Variants in PABPN1 observed in about 807,000 individuals in gnomAD.
PABPN1 encodes the protein poly(A) binding protein nuclear 1, also known as polyadenylate-binding protein 2.
PABPN1 carries 5 observed loss-of-function variants against 33.4 expected under a neutral mutation model. The ratio of observed to expected loss-of-function variants is 0.15; its 90% CI spans 0.08 to 0.32. The LOEUF (loss-of-function observed/expected upper bound fraction) is 0.32. PABPN1 is among the 10% of genes least tolerant of loss of function. PABPN1 has a pLI of 1.00. For synonymous variants in PABPN1, 176 were observed against 170.6 expected (o/e 1.03, Z -0.25); for missense variants, 312 against 425.8 (o/e 0.73, Z 2.35).
At chr14:23,325,081 C>T in intron 6 of PABPN1, 166 bp from the exon 7 acceptor site, 1 of 896,210 alleles carries the variant, frequency 1.1e-6, no homozygotes. Flanking sequence ...CCCCAGTTCT[C>T]CAGGTGCGTT....
intron 1 of PABPN1, 136 bp from the exon 2 acceptor site, chr14:23,322,040 GCTTTT>G (rs1330737297): frequency 1.8e-4 from 177 of 958,206 alleles, no homozygotes; most frequent in Admixed American, 7.2e-4. Context: ...AGAGAGGGTA[GCTTTT>G]CTTTTATCAC....
At chr14:23,323,618 T>G in intron 4 of PABPN1, 135 bp downstream of exon 4, 1 of 918,038 alleles carries the variant, frequency 1.1e-6, no homozygotes, top group East Asian at 2.6e-5. Context: ...GCATTAATGT[T>G]GATATATCAG....
chr14:23,324,603 A>G, intron 6 of PABPN1: 1 of 540,354 alleles, frequency 1.9e-6, no homozygotes, highest in Non-Finnish European at 3.3e-6. Context: ...TGGGAGGAAC[A>G]GGGCCTCCAG....
intron 6 of PABPN1, 45 bp downstream of exon 6, chr14:23,324,334 C>T: frequency 1.2e-6 from 2 of 1,604,146 alleles, no homozygotes; most frequent in Non-Finnish European, 8.5e-7. Flanking sequence ...CTCCCGTGAG[C>T]CCCGTATGCT....
At position 23,325,466 on chromosome 14, in the gene PABPN1, G is replaced by C. The variant is rs903020242; in HGVS notation, c.*180G>C. On this transcript the variant is annotated 3_prime_UTR_variant, in exon 7 of 7. Coordinates refer to ENST00000216727, the MANE Select transcript of PABPN1 (RefSeq NM_004643.4). ...ATAACTAACTGCTGAGGAGGGACCT[G>C]CTTTGGGGAGTAGGGGAAGGCCCAG... 1 of 796,904 alleles carries C rather than the reference G, an allele frequency of 1.3e-6. No individual in the cohort carries two copies. Among genetic ancestry groups the C allele is most frequent in the Non-Finnish European group, 1.9e-6 (1 of 523,922 alleles). The allele number at this position is 796,904 out of a possible 1,614,324, so 49.4% of individuals were successfully genotyped here.
At position 23,321,490 on chromosome 14, in the gene PABPN1, G is replaced by T. The variant is rs1178600735; in HGVS notation, c.21G>T (p.Ala7=). The T allele has an allele frequency of 1.7e-6, 2 of 1,198,220 alleles. No homozygotes were observed. Among genetic ancestry groups the T allele is most frequent in the African/African-American group, 1.6e-5 (1 of 62,746 alleles). 74.2% of individuals were successfully genotyped at this position (1,198,220 alleles called of 1,614,324 possible). A position where few individuals can be genotyped will look rare whatever the true frequency, so the allele number is the denominator to read the frequency against. Residue 7 remains alanine, a synonymous_variant, in exon 1 of 7, where the codon GCG becomes GCT. Transcript: ENST00000216727. MAAAAA[A]AAAAGAAGGR... ...CGGCGATGGCGGCGGCGGCGGCGGC[G>T]GCAGCAGCAGCGGGGGCTGCGGGCG...
chr14:23,322,905 G>T, intron 2 of PABPN1, 94 bp from the exon 3 acceptor site: 2 of 1,570,206 alleles, frequency 1.3e-6, no homozygotes, highest in Non-Finnish European at 1.8e-6. Context: ...CCTTCACTGA[G>T]CTTATGGGAT....
Position 23,321,509 on chromosome 14 carries a change from G to GCGGGCGGTCGGGGCTC in PABPN1, c.46_61dup (p.Pro21ArgfsTer38). On this transcript the variant is annotated frameshift_variant, in exon 1 of 7. Transcript: ENST00000216727. LOFTEE classifies it high-confidence loss of function. ...GGCGGCGGCAGCAGCAGCGGGGGCT[G>GCGGGCGGTCGGGGCTC]CGGGCGGTCGGGGCTCCGGGCCGGG... The GCGGGCGGTCGGGGCTC allele has an allele frequency of 8.1e-7, 1 of 1,232,954 alleles. No individual in the cohort carries two copies. Among genetic ancestry groups the GCGGGCGGTCGGGGCTC allele is most frequent in the Non-Finnish European group, 1.0e-6 (1 of 986,720 alleles). The allele number at this position is 1,232,954 out of a possible 1,614,324, so 76.4% of individuals were successfully genotyped here.
At chr14:23,325,172 G>A (rs2138484963) in intron 6 of PABPN1, 75 bp from the exon 7 acceptor site, 2 of 1,599,106 alleles carry the variant, frequency 1.3e-6, no homozygotes, top group Non-Finnish European at 1.7e-6. Context: ...AACTGGGGCA[G>A]GGGCCTACGG....
rs186195161 is a variant in PABPN1 at position 23,323,105 on chromosome 14, C to A, written c.534+39C>A. 6.6e-5 allele frequency: 106 copies of A among 1,612,544 alleles called. No homozygotes were observed. The East Asian group carries it at 1.6e-3, about 24-fold the overall frequency. On this transcript the variant is annotated intron_variant, in intron 3 of 6. Transcript: ENST00000216727. ...CTCTGACTGGGGTTGGGGGCAAGTT[C>A]TTCTTTTGGGGAATTATTTAATAGT...
rs759005812 is a variant in PABPN1 at position 23,325,262 on chromosome 14, G to A, written c.897G>A (p.Ala299=). ...TTTCTTCCAGGGGCCGGGCTAGAGC[G>A]ACATCATGGTATTCCCCTTACTAAA... ...RGRVYRGRAR[A]TSWYSPY is the part of the protein sequence containing the mutation. The change falls in exon 7 of 7, where the codon GCG becomes GCA. Residue 299 remains alanine (A), a synonymous_variant. Transcript: ENST00000216727. 29 of 1,609,780 alleles carry A rather than the reference G, an allele frequency of 1.8e-5. No individual in the cohort carries two copies. The highest frequency in any genetic ancestry group is 3.4e-5 in the Admixed American group (2 of 59,324).
rs767616144 is a variant in PABPN1, at chr14:23,321,704, GC to G, written c.242del (p.Pro81ArgfsTer56). 3 of 1,536,814 alleles carry G rather than the reference GC, an allele frequency of 2.0e-6. No homozygotes were observed. Among genetic ancestry groups the G allele is most frequent in the East Asian group, 2.5e-5 (1 of 40,296 alleles). ...EPEEEPPRPRAPPGAPGPGPG... is the reference protein window; with the variant it reads ...EPEEEPPRPRXPPGAPGPGPG... ...CGAAGAGGAGCCGCCCCGGCCCCGCGCCCCCCCGGGAGCTCCGGGCCCTGGG... is the reference window on the plus strand; with the variant it reads ...CGAAGAGGAGCCGCCCCGGCCCCGCGCCCCCCGGGAGCTCCGGGCCCTGGG... On this transcript the variant is annotated frameshift_variant, in exon 1 of 7. Transcript: ENST00000216727. LOFTEE classifies it high-confidence loss of function.
chr14:23,323,768 T>C (rs1888511609), intron 4 of PABPN1, among the ~76,000 whole-genome samples, 197 bp from the exon 5 acceptor site: 1 of 152,240 alleles, frequency 6.6e-6, no homozygotes, highest in Non-Finnish European at 1.5e-5. Context: ...GTGTGTCTTA[T>C]TTTTACAAAT....
chr14:23,324,447 C>T, intron 6 of PABPN1, 158 bp downstream of exon 6: 2 of 998,594 alleles, frequency 2.0e-6, no homozygotes, highest in South Asian at 1.3e-5. Flanking sequence ...AGTTGCAGGC[C>T]AGGCCAGAAG....
At chr14:23,323,927 T>C in intron 4 of PABPN1, 38 bp from the exon 5 acceptor site, 1 of 1,607,040 alleles carries the variant, frequency 6.2e-7, no homozygotes, top group Non-Finnish European at 8.5e-7. Context: ...TGTGAGGTAT[T>C]TGTAACCTCA....
intron 1 of PABPN1, 78 bp downstream of exon 1, chr14:23,321,898 G>GCCGGCGGC: frequency 2.0e-6 from 2 of 1,021,240 alleles, no homozygotes; most frequent in Non-Finnish European, 2.8e-6. Context: ...GGGCGAGCGG[G>GCCGGCGGC]TGGCAGGCGG....
At position 23,325,432 on chromosome 14, in the gene PABPN1, G is replaced by T. The variant is rs1888678749; in HGVS notation, c.*146G>T. On this transcript the variant is annotated 3_prime_UTR_variant, in exon 7 of 7. Transcript: ENST00000216727. ...AAAAAAGATATACTGTGGAAGGGGGGAGAATCCCATAACTAACTGCTGAGG... is the reference window on the plus strand; with the variant it reads ...AAAAAAGATATACTGTGGAAGGGGGTAGAATCCCATAACTAACTGCTGAGG... The T allele has an allele frequency of 2.7e-6, 3 of 1,125,926 alleles. No individual in the cohort carries two copies. Among genetic ancestry groups the T allele is most frequent in the African/African-American group, 1.6e-5 (1 of 63,512 alleles). 69.7% of individuals were successfully genotyped at this position (1,125,926 alleles called of 1,614,324 possible).
rs1290176213 is a variant in PABPN1 at position 23,324,245 on chromosome 14, A to T, written c.837A>T (p.Arg279=). The stretch of plus-strand genomic sequence containing the variant: ...CCAACTACAACAGCTCCCGCTCTCG[A>T]TTCTACAGTGGTTTTAACAGCAGGC... ...RTTNYNSSRS[R]FYSGFNSRPR... is the part of the protein sequence containing the mutation. Residue 279 remains arginine, a synonymous_variant, in exon 6 of 7, where the codon CGA becomes CGT. Transcript: ENST00000216727. The T allele has an allele frequency of 3.1e-6, 5 of 1,613,852 alleles. No homozygotes were observed. The highest frequency in any genetic ancestry group is 4.2e-6 in the Non-Finnish European group (5 of 1,180,018).
At chr14:23,324,093 C>G (rs755175327) in intron 5 of PABPN1, 41 bp downstream of exon 5, 8 of 1,614,030 alleles carry the variant, frequency 5.0e-6, no homozygotes, top group Non-Finnish European at 6.8e-6. Context: ...TGTATAAACT[C>G]TCCAGGTTGC....
Sources: gnomAD v4.1 joint callset for allele counts (sites outside exome capture counted in the v4.1 genomes callset) on GRCh38, gnomAD v4.1.1 for gene constraint, MANE v1.5 for transcripts, NCBI Gene and HGNC (gene_info 2026-07-23, HGNC 2026-07-21) for gene names.